CNGA3: variants seen among roughly 807,000 people sequenced by gnomAD.
CNGA3 encodes cyclic nucleotide gated channel subunit alpha 3.
CNGA3 carries 42 observed loss-of-function variants against 46.6 expected under a neutral mutation model. That is an observed-to-expected ratio of 0.90 (90% CI 0.70 to 1.17). CNGA3 has a LOEUF of 1.17. CNGA3 is among the 50% of genes most tolerant of loss of function. The pLI is 0.00. For synonymous variants in CNGA3, 394 were observed against 369.4 expected (o/e 1.07, Z -0.76); for missense variants, 893 against 890.7 (o/e 1.00, Z -0.03).
At chr2:98,375,522 C>T (rs745573889) in intron 2 of CNGA3, among the ~76,000 whole-genome samples, 5 of 152,214 alleles carry the variant, frequency 3.3e-5, no homozygotes, top group Non-Finnish European at 5.9e-5. Flanking sequence ...TTATAGTATA[C>T]AGAATATGAA....
chr2:98,389,266 G>A (rs1369687356), intron 5 of CNGA3, among the ~76,000 whole-genome samples: 1 of 152,236 alleles, frequency 6.6e-6, no homozygotes, highest in Non-Finnish European at 1.5e-5. Flanking sequence ...AGCCCTGGAA[G>A]AGGTGAGTGG....
intron 1 of CNGA3, among the ~76,000 whole-genome samples, chr2:98,358,620 A>G (rs1298303959): frequency 6.6e-6 from 1 of 152,256 alleles, no homozygotes; most frequent in African/African-American, 2.4e-5. Flanking sequence ...CACAAAGAGA[A>G]AAACTTTAGA....
intron 5 of CNGA3, among the ~76,000 whole-genome samples, chr2:98,388,162 G>T (rs928375041): frequency 6.6e-6 from 1 of 151,936 alleles, no homozygotes; most frequent in Non-Finnish European, 1.5e-5. Flanking sequence ...ACGTCTCCAC[G>T]ACGCCACACG....
chr2:98,393,944 G>C (rs1574388901), intron 7 of CNGA3, among the ~76,000 whole-genome samples: 1 of 151,354 alleles, frequency 6.6e-6, no homozygotes, highest in Non-Finnish European at 1.5e-5. Flanking sequence ...GTGAAGTGGG[G>C]TGTTCTTTGT....
intron 6 of CNGA3, 102 bp from the exon 7 acceptor site, chr2:98,391,762 A>T: frequency 1.9e-6 from 2 of 1,080,468 alleles, no homozygotes; most frequent in Non-Finnish European, 2.8e-6. Flanking sequence ...TTCCCATATT[A>T]CATGATCCAG....
At chr2:98,387,911 G>A (rs1431850547) in intron 5 of CNGA3, among the ~76,000 whole-genome samples, 1 of 152,170 alleles carries the variant, frequency 6.6e-6, no homozygotes, top group African/African-American at 2.4e-5. Context: ...CAACTTCAAT[G>A]TGTGGATTTG....
chr2:98,373,767 A>C (rs1692341711), intron 2 of CNGA3, among the ~76,000 whole-genome samples: 1 of 152,174 alleles, frequency 6.6e-6, no homozygotes, highest in Admixed American at 6.5e-5. Context: ...TGCTGCAGAG[A>C]ATTGCAGCTA....
chr2:98,351,330 A>T (rs1691762925), intron 1 of CNGA3, among the ~76,000 whole-genome samples: 1 of 152,162 alleles, frequency 6.6e-6, no homozygotes, highest in Non-Finnish European at 1.5e-5. Context: ...GGAGGGACCC[A>T]GTGGGAGGTA....
Position 98,389,736 on chromosome 2 carries a change from C to A in CNGA3, c.528C>A (p.Ala176=). 6.2e-7 allele frequency: 1 copy of A among 1,613,562 alleles called. No homozygotes were observed. The highest frequency in any genetic ancestry group is 8.5e-7 in the Non-Finnish European group (1 of 1,180,018). The change falls in exon 6 of 8, where the codon GCC becomes GCA. Residue 176 remains alanine, a synonymous_variant. Transcript: ENST00000272602. ...NLYYRWLTAI[A]LPVFYNWYLL... is the part of the protein sequence containing the mutation. ...ACTACCGCTGGCTGACCGCCATCGC[C>A]CTGCCTGTCTTCTATAACTGGTATC...
At chr2:98,366,562 G>T (rs1206396822) in intron 1 of CNGA3, among the ~76,000 whole-genome samples, 2 of 152,226 alleles carry the variant, frequency 1.3e-5, no homozygotes, top group African/African-American at 4.8e-5. Context: ...CTCCATCCCA[G>T]GGACATCCAG....
rs1465351825 is a variant in CNGA3 at position 98,396,574 on chromosome 2, C to T, written c.1404C>T (p.Ile468=). 2.5e-6 allele frequency: 4 copies of T among 1,613,776 alleles called. No homozygotes were observed. Among genetic ancestry groups the T allele is most frequent in the Admixed American group, 1.7e-5 (1 of 59,968 alleles). ...TCCCAGACAAGCTGAAGGCTGAGATCGCCATCAACGTGCACCTGGACACGC... is the reference window on the plus strand; with the variant it reads ...TCCCAGACAAGCTGAAGGCTGAGATTGCCATCAACGTGCACCTGGACACGC... ...KSLPDKLKAE[I]AINVHLDTLK... Residue 468 remains isoleucine (I), a synonymous_variant, in exon 8 of 8, where the codon ATC becomes ATT. Transcript: ENST00000272602.
Position 98,395,774 on chromosome 2 carries a change from T to C in CNGA3, c.674-70T>C, listed in dbSNP as rs377154525. The C allele has an allele frequency of 2.8e-5, 36 of 1,303,398 alleles. No homozygotes were observed. The African/African-American group carries it at 3.3e-4, about 12-fold the overall frequency. The allele number at this position is 1,303,398 out of a possible 1,614,324, so 80.7% of individuals were successfully genotyped here. On this transcript the variant is annotated intron_variant, in intron 7 of 7. Transcript: ENST00000272602. ...TACTGTGTAGCCGTGAGGTAAAATA[T>C]GTTTCTTTGTACTATGGTCAAAAAA...
chr2:98,370,896 A>G (rs1367805435), intron 2 of CNGA3, among the ~76,000 whole-genome samples: 3 of 152,148 alleles, frequency 2.0e-5, no homozygotes, highest in African/African-American at 4.8e-5. Flanking sequence ...CAGTAGTGCA[A>G]TTAGTGCAAT....
chr2:98,362,749 T>C (rs1338206627), intron 1 of CNGA3, among the ~76,000 whole-genome samples: 4 of 152,364 alleles, frequency 2.6e-5, no homozygotes, highest in Non-Finnish European at 5.9e-5. Flanking sequence ...TGAATGGTAT[T>C]GCGTATATTT....
chr2:98,383,885 T>C (rs1692590383), intron 5 of CNGA3, among the ~76,000 whole-genome samples: 1 of 150,678 alleles, frequency 6.6e-6, no homozygotes, highest in Non-Finnish European at 1.5e-5. Context: ...GTTGTTATTG[T>C]TGTTTGTTTG....
chr2:98,385,727 T>C (rs377169874), intron 5 of CNGA3, among the ~76,000 whole-genome samples: 35 of 152,180 alleles, frequency 2.3e-4, no homozygotes, highest in African/African-American at 8.0e-4. Context: ...AGAAAAGTGG[T>C]TTAATTGGCT....
rs199527709 is a variant in CNGA3 at position 98,395,630 on chromosome 2, TA to T, written c.674-207del. 1.8e-3 allele frequency among the ~76,000 whole-genome samples: 270 copies of T among 152,306 alleles called. 1 individual carries two copies. Among genetic ancestry groups the T allele is most frequent in the African/African-American group, 6.2e-3 (259 of 41,556 alleles). The stretch of plus-strand genomic sequence containing the variant: ...AAATTTACTCAATCAACCTATGTTT[TA>T]AAAAAATTCAATAGAATAGATTAGA... On this transcript the variant is annotated intron_variant, in intron 7 of 7. Coordinates refer to ENST00000272602, the MANE Select transcript of CNGA3 (RefSeq NM_001298.3).
chr2:98,358,337 T>A (rs1444325040), intron 1 of CNGA3, among the ~76,000 whole-genome samples: 2 of 152,248 alleles, frequency 1.3e-5, no homozygotes, highest in Non-Finnish European at 2.9e-5. Flanking sequence ...GAGGAAGGAA[T>A]GGTAGAATAC....
At chr2:98,366,436 C>T (rs1419384255) in intron 1 of CNGA3, among the ~76,000 whole-genome samples, 6 of 152,280 alleles carry the variant, frequency 3.9e-5, no homozygotes, top group South Asian at 2.1e-4. Context: ...AGAGGGCATG[C>T]GCTGCACTTG....
Sources: gnomAD v4.1 joint callset for allele counts (sites outside exome capture counted in the v4.1 genomes callset) on GRCh38, gnomAD v4.1.1 for gene constraint, MANE v1.5 for transcripts, NCBI Gene and HGNC (gene_info 2026-07-23, HGNC 2026-07-21) for gene names.